Variants in NECTIN3 observed in about 807,000 individuals in gnomAD.
NECTIN3 encodes the protein nectin-3.
In NECTIN3, 8 loss-of-function variants were observed where a neutral mutation model predicts 49.4. The observed-to-expected ratio is 0.16, with a 90% CI of 0.10 to 0.29. NECTIN3 has a LOEUF of 0.29. Among genes scored for constraint, NECTIN3 ranks in the 10% least tolerant of loss-of-function variants. The probability of loss-of-function intolerance (pLI) is 1.00; values close to 1 mark genes in which losing one functional copy is unlikely to be tolerated. For missense variants in NECTIN3, 581 were observed against 654.6 expected (o/e 0.89, Z 1.23); for synonymous variants, 277 against 241.1 (o/e 1.15, Z -1.38).
rs541082821 is a variant in NECTIN3 at position 111,128,619 on chromosome 3, T to A, written c.1069+2284T>A. 5.1e-4 allele frequency among the ~76,000 whole-genome samples: 78 copies of A among 152,334 alleles called. 1 individual carries two copies. Among genetic ancestry groups the A allele is most frequent in the Admixed American group, 1.6e-3 (25 of 15,304 alleles). ...CCTTCTTTCAGTTACTGGTACTTCTTTCCTTACATTTGTTCAGGATACAAC... is the reference window on the plus strand; with the variant it reads ...CCTTCTTTCAGTTACTGGTACTTCTATCCTTACATTTGTTCAGGATACAAC... On this transcript the variant is annotated intron_variant, in intron 5 of 5. Transcript: ENST00000485303.
In NECTIN3 at chr3:111,118,932, C is replaced by T. The variant is rs993043168; in HGVS notation, c.779C>T (p.Ser260Phe). 5 of 1,613,704 alleles carry T rather than the reference C, an allele frequency of 3.1e-6. No homozygotes were observed. The Admixed American group carries it at 5.0e-5, about 16-fold the overall frequency. The change falls in exon 3 of 6, where the codon TCT (serine) becomes TTT (phenylalanine). Residue 260 changes from serine to phenylalanine, a missense_variant. Around this residue, in one of 3 missense-constraint regions of NECTIN3, gnomAD observed 234 missense variants for 340.6 expected, o/e 0.69. Coordinates refer to ENST00000485303, the MANE Select transcript of NECTIN3 (RefSeq NM_015480.3). ...HPALEKDIRYSFILDIQYAPE... is the reference protein window; with the variant it reads ...HPALEKDIRYFFILDIQYAPE... ...GCCTTGGAAAAGGACATCCGATACTCTTTCATATTAGACATACAGTGTAAG... is the reference window on the plus strand; with the variant it reads ...GCCTTGGAAAAGGACATCCGATACTTTTTCATATTAGACATACAGTGTAAG...
chr3:111,124,240 T>C (rs185912489), intron 4 of NECTIN3, among the ~76,000 whole-genome samples: 10 of 152,296 alleles, frequency 6.6e-5, no homozygotes, highest in Admixed American at 3.9e-4. Flanking sequence ...AACTTCTATA[T>C]GTCTTTTTTG....
At chr3:111,159,078 A>G (rs1221745305) in intron 7 of NECTIN3, among the ~76,000 whole-genome samples, 1 of 152,212 alleles carries the variant, frequency 6.6e-6, no homozygotes, top group Non-Finnish European at 1.5e-5. Context: ...TGACTGAATT[A>G]ATTATTGATA....
chr3:111,108,049 G>C (rs2033262587), intron 1 of NECTIN3, among the ~76,000 whole-genome samples: 2 of 151,950 alleles, frequency 1.3e-5, no homozygotes, highest in Non-Finnish European at 2.9e-5. Flanking sequence ...AAAAAACACA[G>C]CAAAACTTAC....
At chr3:111,120,679 T>C (rs72937915) in intron 3 of NECTIN3, among the ~76,000 whole-genome samples, 12,148 of 152,162 alleles carry the variant, frequency 0.08, 744 homozygotes, top group African/African-American at 0.17. Context: ...TGATCTGGTC[T>C]CTCTCTCTAG....
Position 111,112,172 on chromosome 3 carries a change from T to A in NECTIN3, c.303T>A (p.Thr101=), listed in dbSNP as rs1044815240. 1.2e-6 allele frequency: 2 copies of A among 1,613,944 alleles called. No individual in the cohort carries two copies. Among genetic ancestry groups the A allele is most frequent in the Admixed American group, 1.7e-5 (1 of 59,962 alleles). The part of the protein sequence containing the change: ...WEKIHGKSSQ[T]VAVHHPQYGF... ...AGATACATGGCAAAAGTTCACAGAC[T>A]GTTGCAGTTCACCATCCCCAATATG... The change falls in exon 2 of 6, where the codon ACT becomes ACA. Residue 101 remains threonine, a synonymous_variant. Coordinates refer to ENST00000485303, the MANE Select transcript of NECTIN3 (RefSeq NM_015480.3).
chr3:111,137,182 C>G lies in NECTIN3; in HGVS notation c.*2967C>G, dbSNP rs535220434. 289 of 938,056 alleles carry G rather than the reference C, an allele frequency of 3.1e-4. No homozygotes were observed. Among genetic ancestry groups the G allele is most frequent in the Non-Finnish European group, 3.6e-4 (280 of 787,296 alleles). The allele number at this position is 938,056 out of a possible 1,614,324, so 58.1% of individuals were successfully genotyped here. ...GTTTTTGATAAATACTGCTAAAACACAGTATATGAACAAGTAAGAAGTTTA... is the reference window on the plus strand; with the variant it reads ...GTTTTTGATAAATACTGCTAAAACAGAGTATATGAACAAGTAAGAAGTTTA... On this transcript the variant is annotated 3_prime_UTR_variant, in exon 6 of 6. Transcript: ENST00000485303.
intron 7 of NECTIN3, among the ~76,000 whole-genome samples, chr3:111,148,067 G>T (rs1350385670): frequency 2.0e-5 from 3 of 152,126 alleles, no homozygotes; most frequent in Non-Finnish European, 4.4e-5. Flanking sequence ...TTTAGTGGTT[G>T]TGTTTGTATG....
chr3:111,164,282 TTA>T (rs2035275355), intron 7 of NECTIN3, among the ~76,000 whole-genome samples: 1 of 152,218 alleles, frequency 6.6e-6, no homozygotes, highest in South Asian at 2.1e-4. Flanking sequence ...TCAAATATAA[TTA>T]TATTTGTTAA....
chr3:111,126,364 T>C (rs1576137341), intron 5 of NECTIN3, 29 bp downstream of exon 5: 1 of 1,556,504 alleles, frequency 6.4e-7, no homozygotes. Context: ...GCAAAATGAG[T>C]TATTTAAAAT....
At position 111,135,397 on chromosome 3, in the gene NECTIN3, GT is replaced by G. The variant is rs887678794; in HGVS notation, c.*1189del. 1 of 933,648 alleles carries G rather than the reference GT, an allele frequency of 1.1e-6. No homozygotes were observed. Among genetic ancestry groups the G allele is most frequent in the Non-Finnish European group, 1.3e-6 (1 of 783,422 alleles). 57.8% of individuals were successfully genotyped at this position (933,648 alleles called of 1,614,324 possible). A position where few individuals can be genotyped will look rare whatever the true frequency, so the allele number is the denominator to read the frequency against. Reference sequence around the variant, plus strand: ...TGGAAACATGAGGTTTTTTGTTTTTGTTTTTTTACATAATTACATATATTCC... The same window carrying G: ...TGGAAACATGAGGTTTTTTGTTTTTGTTTTTTACATAATTACATATATTCC... On this transcript the variant is annotated 3_prime_UTR_variant, in exon 6 of 6. Coordinates refer to ENST00000485303, the MANE Select transcript of NECTIN3 (RefSeq NM_015480.3).
In NECTIN3 at chr3:111,161,769, C is replaced by G. The variant is rs530061927; in HGVS notation, c.1221+14285C>G. Among the ~76,000 whole-genome samples the G allele has an allele frequency of 2.0e-5, 3 of 152,294 alleles. No homozygotes were observed. The South Asian group carries it at 6.2e-4, about 32-fold the overall frequency. On this transcript the variant is annotated intron_variant, in intron 7 of 8. Coordinates refer to the NECTIN3 transcript ENST00000493615. ...TCCAAAAAGATTGGTGACTACTGTT[C>G]TGGGGGACAAAGTTAACAGGTGATT...
chr3:111,072,839 T>A, intron 1 of NECTIN3: 4 of 367,770 alleles, frequency 1.1e-5, no homozygotes, highest in Non-Finnish European at 2.0e-5. Flanking sequence ...GGAACAAGAT[T>A]TACGTGTTAA....
intron 7 of NECTIN3, among the ~76,000 whole-genome samples, chr3:111,153,913 C>T (rs537086476): frequency 1.3e-5 from 2 of 152,114 alleles, no homozygotes; most frequent in South Asian, 4.2e-4. Context: ...AAAAAATTGT[C>T]TGTGGAGCTT....
chr3:111,192,032 A>G (rs1191123207), upstream of NECTIN3, among the ~76,000 whole-genome samples: 2 of 152,108 alleles, frequency 1.3e-5, no homozygotes, highest in African/African-American at 4.8e-5. Context: ...GAGTTTCACC[A>G]TGTTGATCAG....
intron 5 of NECTIN3, among the ~76,000 whole-genome samples, chr3:111,126,686 T>C (rs1203419974): frequency 6.6e-6 from 1 of 152,164 alleles, no homozygotes; most frequent in South Asian, 2.1e-4. Flanking sequence ...ATTTTTTTCT[T>C]TTGCTTTGAT....
intron 7 of NECTIN3, among the ~76,000 whole-genome samples, chr3:111,164,849 T>G (rs2035287136): frequency 6.6e-6 from 1 of 152,088 alleles, no homozygotes; most frequent in African/African-American, 2.4e-5. Flanking sequence ...GGATTAGAAT[T>G]TAGACATAAC....
chr3:111,167,800 T>C (rs557975297), intron 7 of NECTIN3, among the ~76,000 whole-genome samples: 1 of 152,178 alleles, frequency 6.6e-6, no homozygotes, highest in Non-Finnish European at 1.5e-5. Context: ...TCAGTGTACG[T>C]AACTTGTCAT....
chr3:111,190,155 A>G (rs984185826), upstream of NECTIN3, among the ~76,000 whole-genome samples: 1 of 152,208 alleles, frequency 6.6e-6, no homozygotes, highest in African/African-American at 2.4e-5. Context: ...ATTAAACCCC[A>G]GGGGCCCTGT....
Sources: gnomAD v4.1 joint callset for allele counts (sites outside exome capture counted in the v4.1 genomes callset) on GRCh38, gnomAD v4.1.1 for gene constraint, gnomAD v4.1.1 regional missense constraint, MANE v1.5 for transcripts, NCBI Gene and HGNC (gene_info 2026-07-23, HGNC 2026-07-21) for gene names.